The following ANKFN1 variants were observed in gnomAD, a reference collection of about 807,000 sequenced individuals.
ANKFN1 encodes the protein ankyrin repeat and fibronectin type-III domain-containing protein 1.
ANKFN1 carries 74 observed loss-of-function variants against 108.7 expected under a neutral mutation model. That is an observed-to-expected ratio of 0.68 (90% CI 0.56 to 0.83). ANKFN1 has a LOEUF of 0.83. Among genes scored for constraint, ANKFN1 ranks in the 40% least tolerant of loss-of-function variants. The pLI is 0.00. For missense variants in ANKFN1, 1,505 were observed against 1,382.3 expected (o/e 1.09, Z -1.41); for synonymous variants, 547 against 516.2 (o/e 1.06, Z -0.81).
At chr17:56,474,494 A>G (rs1326622065) in intron 15 of ANKFN1, among the ~76,000 whole-genome samples, 1 of 152,114 alleles carries the variant, frequency 6.6e-6, no homozygotes, top group African/African-American at 2.4e-5. Flanking sequence ...CATTTTTCCT[A>G]AAGATCAATA....
At chr17:56,270,019 T>C (rs1418043279) in intron 3 of ANKFN1, among the ~76,000 whole-genome samples, 1 of 152,256 alleles carries the variant, frequency 6.6e-6, no homozygotes, top group Non-Finnish European at 1.5e-5. Context: ...CCAAAATCTT[T>C]TGGAATATTT....
intron 1 of ANKFN1, among the ~76,000 whole-genome samples, chr17:56,175,289 G>C (rs180748242): frequency 1.3e-5 from 2 of 152,246 alleles, no homozygotes; most frequent in Admixed American, 6.5e-5. Flanking sequence ...TTGTTGGTTT[G>C]TTTGTTTTTG....
At chr17:56,139,151 A>G (rs1243020404) in intron 4 of ANKFN1, among the ~76,000 whole-genome samples, 1 of 152,198 alleles carries the variant, frequency 6.6e-6, no homozygotes, top group African/African-American at 2.4e-5. Context: ...TAATGCCATT[A>G]TTAAAATCCT....
intron 8 of ANKFN1, among the ~76,000 whole-genome samples, chr17:56,415,614 A>G (rs1012194246): frequency 2.6e-5 from 4 of 152,226 alleles, no homozygotes; most frequent in Non-Finnish European, 5.9e-5. Flanking sequence ...TGGAAGAATC[A>G]ATATTGTTAA....
At chr17:56,463,414 G>T (rs2049976148) in intron 14 of ANKFN1, among the ~76,000 whole-genome samples, 1 of 151,970 alleles carries the variant, frequency 6.6e-6, no homozygotes, top group African/African-American at 2.4e-5. Flanking sequence ...AAATTTTAAA[G>T]AGAAAAAATT....
In ANKFN1 at chr17:56,049,535, T is replaced by G. The variant is rs571093138; in HGVS notation, c.288+3210T>G. ...TAGGTATATCTCCCAATGCTATCCC[T>G]CCCCCTTCCCCCGACCCCACCACAG... On this transcript the variant is annotated intron_variant, in intron 4 of 12. Transcript: ENST00000635860. Among the ~76,000 whole-genome samples, 154 of 151,742 alleles carry G rather than the reference T, an allele frequency of 1.0e-3. 1 individual carries two copies. Among genetic ancestry groups the G allele is most frequent in the African/African-American group, 3.5e-3 (146 of 41,242 alleles).
intron 3 of ANKFN1, among the ~76,000 whole-genome samples, chr17:56,230,948 G>A (rs1916691477): frequency 6.6e-6 from 1 of 152,088 alleles, no homozygotes; most frequent in Non-Finnish European, 1.5e-5. Flanking sequence ...GAAAAAGAAG[G>A]AAATGTTAAT....
chr17:56,378,125 C>G (rs2046991984), intron 8 of ANKFN1, among the ~76,000 whole-genome samples: 1 of 152,132 alleles, frequency 6.6e-6, no homozygotes, highest in Non-Finnish European at 1.5e-5. Flanking sequence ...CTGACAGGGC[C>G]TTTCAGGAGC....
chr17:56,106,157 T>A (rs1905748532), intron 4 of ANKFN1, among the ~76,000 whole-genome samples: 1 of 152,142 alleles, frequency 6.6e-6, no homozygotes, highest in Admixed American at 6.6e-5. Context: ...GATACTATTG[T>A]CTCCATTTTA....
At chr17:56,119,629 T>G (rs1383293978) in intron 4 of ANKFN1, among the ~76,000 whole-genome samples, 1 of 152,184 alleles carries the variant, frequency 6.6e-6, no homozygotes, top group Non-Finnish European at 1.5e-5. Context: ...TTATGGCTAT[T>G]GGTAAGAATT....
chr17:56,510,922 G>T lies in ANKFN1; in HGVS notation c.3094G>T (p.Gly1032Cys), dbSNP rs1352591505. ...GACCCAGTCGCTATCGCTCTCTGAG[G>T]GCATTTATACACAGCACCTGTCCCA... ...SETQSLSLSEGIYTQHLSQAC... is the reference protein window; with the variant it reads ...SETQSLSLSECIYTQHLSQAC... The change falls in exon 21 of 21, where the codon GGC (glycine) becomes TGC (cysteine). Residue 1032 changes from glycine to cysteine, a missense_variant. Physicochemically the swap from Gly to Cys is radical, Grantham distance 159. Transcript: ENST00000682825. 4.6e-6 allele frequency: 7 copies of T among 1,536,164 alleles called. No individual in the cohort carries two copies. In the East Asian group the frequency reaches 1.7e-4, roughly 38 times the overall value.
At chr17:56,137,638 G>A (rs16956734) in intron 4 of ANKFN1, among the ~76,000 whole-genome samples, 27,342 of 151,970 alleles carry the variant, frequency 0.18, 2,847 homozygotes, top group East Asian at 0.28. Context: ...AAAACCTACC[G>A]ATCGGAGAGG....
intron 18 of ANKFN1, among the ~76,000 whole-genome samples, chr17:56,490,193 A>G (rs1470049237): frequency 6.6e-6 from 1 of 152,216 alleles, no homozygotes; most frequent in East Asian, 1.9e-4. Context: ...GTAAACACAT[A>G]AGTACAATGT....
At chr17:56,389,297 CA>C (rs1280459619) in intron 8 of ANKFN1, among the ~76,000 whole-genome samples, 1 of 152,148 alleles carries the variant, frequency 6.6e-6, no homozygotes. Flanking sequence ...GTAAAAAAGG[CA>C]ATCCCAGAAG....
Position 56,513,079 on chromosome 17 carries a change from C to T in ANKFN1, c.*1810C>T, listed in dbSNP as rs1007139331. On this transcript the variant is annotated 3_prime_UTR_variant, in exon 21 of 21. Coordinates refer to ENST00000682825, the MANE Select transcript of ANKFN1 (RefSeq NM_001370326.1). Reference sequence around the variant, plus strand: ...GGGTTTGCAGGTAGGGCAATTAAGACCCAGAGAGGTTAAGTAACATGCTCA... The same window carrying T: ...GGGTTTGCAGGTAGGGCAATTAAGATCCAGAGAGGTTAAGTAACATGCTCA... Among the ~76,000 whole-genome samples, 7 of 152,176 alleles carry T rather than the reference C, an allele frequency of 4.6e-5. No homozygotes were observed. Among genetic ancestry groups the T allele is most frequent in the African/African-American group, 1.7e-4 (7 of 41,448 alleles).
chr17:56,468,237 A>T (rs2145303169), intron 15 of ANKFN1, among the ~76,000 whole-genome samples: 1 of 152,284 alleles, frequency 6.6e-6, no homozygotes, highest in African/African-American at 2.4e-5. Context: ...GAAATAAAGG[A>T]TAAAAGACTT....
At position 56,373,606 on chromosome 17, in the gene ANKFN1, TTAG is replaced by T. The variant is rs1191309949; in HGVS notation, c.796+768_796+770del. On this transcript the variant is annotated intron_variant, in intron 7 of 20. Coordinates refer to ENST00000682825, the MANE Select transcript of ANKFN1 (RefSeq NM_001370326.1). ...GGTCTCTGCCTCTGCTGCAGGAAAC[TTAG>T]TTGTGATGTAGACAAAGACCAAAGA... Among the ~76,000 whole-genome samples the T allele has an allele frequency of 2.0e-5, 3 of 152,322 alleles. No homozygotes were observed. The South Asian group carries it at 6.2e-4, about 32-fold the overall frequency.
At chr17:56,457,205 A>G in intron 12 of ANKFN1, 52 bp from the exon 13 acceptor site, 3 of 1,490,044 alleles carry the variant, frequency 2.0e-6, no homozygotes, top group East Asian at 2.3e-5. Context: ...CCAAAAAAAT[A>G]TTTTTCCAAG....
intron 18 of ANKFN1, among the ~76,000 whole-genome samples, chr17:56,487,276 A>G (rs746438195): frequency 6.6e-6 from 1 of 152,152 alleles, no homozygotes; most frequent in African/African-American, 2.4e-5. Flanking sequence ...ATAATAAAGC[A>G]TGTTCCTGGG....
Sources: allele counts gnomAD v4.1 joint callset (sites outside exome capture counted in the v4.1 genomes callset), GRCh38; gene constraint gnomAD v4.1.1; transcripts MANE v1.5; gene names NCBI Gene and HGNC (gene_info 2026-07-23, HGNC 2026-07-21).